The following TMC1 variants were observed in gnomAD, a reference collection of about 807,000 sequenced individuals.
The protein encoded by TMC1 is transmembrane channel-like protein 1.
In TMC1, 84 loss-of-function variants were observed where a neutral mutation model predicts 105.8. The ratio of observed to expected loss-of-function variants is 0.79; its 90% confidence interval spans 0.67 to 0.95. TMC1 has a LOEUF of 0.95. TMC1 is among the 40% of genes least tolerant of loss of function. The pLI, the probability that TMC1 is intolerant of heterozygous loss-of-function variation, is 0.00. For missense variants in TMC1, 817 were observed against 914.1 expected, an observed-to-expected ratio of 0.89 and a Z score of 1.37; for synonymous variants, 315 against 311.5, an observed-to-expected ratio of 1.01 and a Z score of -0.12.
intron 3 of TMC1, among the ~76,000 whole-genome samples, chr9:72,620,375 G>A (rs1825225359): frequency 6.6e-6 from 1 of 151,886 alleles, no homozygotes; most frequent in East Asian, 1.9e-4. Flanking sequence ...CTGAGTAGCC[G>A]GGACTATAAG....
chr9:72,580,379 T>C (rs1470804772), intron 2 of TMC1, among the ~76,000 whole-genome samples: 2 of 152,240 alleles, frequency 1.3e-5, no homozygotes, highest in African/African-American at 4.8e-5. Context: ...AGCAGTTTTA[T>C]TACACACACC....
At chr9:72,750,228 A>G (rs1321408052) in intron 10 of TMC1, among the ~76,000 whole-genome samples, 1 of 152,226 alleles carries the variant, frequency 6.6e-6, no homozygotes, top group African/African-American at 2.4e-5. Context: ...TTCCTTTTCC[A>G]TTGATAATGC....
At chr9:72,529,718 A>G (rs1823466376) in intron 1 of TMC1, among the ~76,000 whole-genome samples, 2 of 151,988 alleles carry the variant, frequency 1.3e-5, no homozygotes, top group African/African-American at 4.8e-5. Flanking sequence ...CTTTGGGAAA[A>G]AGTGACACAG....
chr9:72,565,306 C>T (rs915773492), intron 1 of TMC1, among the ~76,000 whole-genome samples: 2 of 152,070 alleles, frequency 1.3e-5, no homozygotes, highest in African/African-American at 4.8e-5. Flanking sequence ...GCCTTAAGGA[C>T]AAATAGTATC....
intron 4 of TMC1, among the ~76,000 whole-genome samples, chr9:72,632,334 A>C (rs1371868831): frequency 1.3e-5 from 2 of 152,166 alleles, no homozygotes; most frequent in African/African-American, 2.4e-5. Context: ...AACACCTCCC[A>C]CTAGGCCCAC....
chr9:72,674,136 G>C (rs981637570), intron 5 of TMC1, among the ~76,000 whole-genome samples: 3 of 152,158 alleles, frequency 2.0e-5, no homozygotes, highest in African/African-American at 7.2e-5. Flanking sequence ...AGAAATTAAA[G>C]AGGGCAGAAA....
rs1163209460 is a variant in TMC1 at position 72,669,374 on chromosome 9, A to ATC, written c.17-19332_17-19331dup. Among the ~76,000 whole-genome samples, 4 of 152,290 alleles carry ATC rather than the reference A, an allele frequency of 2.6e-5. No individual in the cohort carries two copies. The East Asian group carries it at 7.7e-4, about 29-fold the overall frequency. The stretch of plus-strand genomic sequence containing the variant: ...AAATATCTAAAGGAAAAGAAATAAC[A>ATC]TCTCACAACCTCATCATCTAGATAT... On this transcript the variant is annotated intron_variant, in intron 5 of 23. Transcript: ENST00000297784.
chr9:72,580,678 A>C lies in TMC1; in HGVS notation c.-306+2655A>C, dbSNP rs1824460566. ...TTGATATATACCACAACTGAGAAAA[A>C]CTTACTGGCATTCTGCTCCAAGCTT... On this transcript the variant is annotated intron_variant, in intron 2 of 23. Transcript: ENST00000297784. Among the ~76,000 whole-genome samples, 3 of 152,194 alleles carry C rather than the reference A, an allele frequency of 2.0e-5. No individual in the cohort carries two copies. The South Asian group carries it at 6.2e-4, about 31-fold the overall frequency.
chr9:72,702,231 G>A (rs944313038), intron 8 of TMC1, among the ~76,000 whole-genome samples: 1 of 152,102 alleles, frequency 6.6e-6, no homozygotes, highest in African/African-American at 2.4e-5. Context: ...CAAAATATAT[G>A]ATTGAATAAA....
At chr9:72,597,789 C>G (rs145670268) in intron 2 of TMC1, among the ~76,000 whole-genome samples, 156 of 152,312 alleles carry the variant, frequency 1.0e-3, no homozygotes, top group African/African-American at 3.6e-3. Context: ...TGTTCTCTGT[C>G]TTCCCTGAGA....
At chr9:72,559,669 C>T (rs1824011566) in intron 1 of TMC1, among the ~76,000 whole-genome samples, 1 of 151,994 alleles carries the variant, frequency 6.6e-6, no homozygotes, top group African/African-American at 2.4e-5. Flanking sequence ...GAGAAAGAAT[C>T]TGCAAAGCAA....
intron 2 of TMC1, among the ~76,000 whole-genome samples, chr9:72,598,861 C>T (rs1339001864): frequency 6.6e-6 from 1 of 151,534 alleles, no homozygotes; most frequent in African/African-American, 2.4e-5. Flanking sequence ...TCAGAACCGT[C>T]TGTTTCCTCA....
intron 1 of TMC1, among the ~76,000 whole-genome samples, chr9:72,527,717 G>C (rs770199379): frequency 6.6e-6 from 1 of 152,146 alleles, no homozygotes; most frequent in Non-Finnish European, 1.5e-5. Context: ...TATTGTAGGA[G>C]AGCTGATTGT....
At chr9:72,824,168 C>T (rs1425367430) in intron 20 of TMC1, among the ~76,000 whole-genome samples, 4 of 152,246 alleles carry the variant, frequency 2.6e-5, no homozygotes, top group African/African-American at 9.6e-5. Context: ...CGTGGCCAGA[C>T]CAGGTGTGTC....
chr9:72,831,030 T>C (rs2118333091), intron 23 of TMC1, among the ~76,000 whole-genome samples: 1 of 152,318 alleles, frequency 6.6e-6, no homozygotes, highest in Non-Finnish European at 1.5e-5. Context: ...CCTGCCCATG[T>C]TGACTATTTT....
At chr9:72,827,680 A>T (rs1828977579) in intron 21 of TMC1, among the ~76,000 whole-genome samples, 1 of 152,216 alleles carries the variant, frequency 6.6e-6, no homozygotes, top group African/African-American at 2.4e-5. Context: ...TCTAAGTAAA[A>T]GTACAGATTT....
intron 17 of TMC1, among the ~76,000 whole-genome samples, chr9:72,796,901 G>A (rs1345021041): frequency 6.6e-6 from 1 of 151,906 alleles, no homozygotes; most frequent in African/African-American, 2.4e-5. Flanking sequence ...AGAAATGAAG[G>A]GTATCAAAAT....
intron 10 of TMC1, among the ~76,000 whole-genome samples, chr9:72,746,379 G>A (rs1260738620): frequency 1.3e-5 from 2 of 152,128 alleles, no homozygotes; most frequent in Non-Finnish European, 2.9e-5. Context: ...ACATCCAAAT[G>A]TGTTAATGTA....
chr9:72,821,113 C>A, intron 20 of TMC1, 32 bp downstream of exon 20: 1 of 1,613,928 alleles, frequency 6.2e-7, no homozygotes, highest in Non-Finnish European at 8.5e-7. Context: ...ACTCAGGCAT[C>A]GTGTTCTTTC....
Sources: allele counts gnomAD v4.1 joint callset (sites outside exome capture counted in the v4.1 genomes callset), GRCh38; gene constraint gnomAD v4.1.1; transcripts MANE v1.5; gene names NCBI Gene and HGNC (gene_info 2026-07-23, HGNC 2026-07-21).